The following FAT4 variants were observed in gnomAD, a reference collection of about 807,000 sequenced individuals.
FAT4 encodes FAT atypical cadherin 4.
FAT4 carries 84 observed loss-of-function variants against 303.9 expected under a neutral mutation model. That is an observed-to-expected ratio of 0.28 (90% CI 0.23 to 0.33). The LOEUF is 0.33. Ranked by LOEUF, FAT4 falls within the 10% of genes least tolerant of loss-of-function variation. The pLI, the probability that FAT4 is intolerant of heterozygous loss-of-function variation, is 1.00. For synonymous variants in FAT4, 2,307 were observed against 2,298.8 expected, an observed-to-expected ratio of 1.00 and a Z score of -0.10; for missense variants, 6,005 against 6,146.8, an observed-to-expected ratio of 0.98 and a Z score of 0.77.
chr4:125,336,887 A>C (rs1731598098), intron 2 of FAT4, among the ~76,000 whole-genome samples: 1 of 152,030 alleles, frequency 6.6e-6, no homozygotes, highest in Non-Finnish European at 1.5e-5. Context: ...GTTGATTTTC[A>C]ACTTAAATAT....
intron 2 of FAT4, among the ~76,000 whole-genome samples, chr4:125,379,602 G>A (rs1733462215): frequency 2.0e-5 from 3 of 151,984 alleles, no homozygotes; most frequent in African/African-American, 7.2e-5. Context: ...TGGGATTACA[G>A]GCTCATGCCA....
Position 125,460,431 on chromosome 4 carries a change from C to A in FAT4, c.11801-3132C>A, listed in dbSNP as rs182483673. On this transcript the variant is annotated intron_variant, in intron 10 of 17. Transcript: ENST00000394329. The stretch of plus-strand genomic sequence containing the variant: ...GTGATCTTTCCTGCTCCCCTCCCTC[C>A]TCCCACCCTCCACCCTCCAGTAGAC... Among the ~76,000 whole-genome samples the A allele has an allele frequency of 2.5e-3, 381 of 152,074 alleles. 1 individual carries two copies. Among genetic ancestry groups the A allele is most frequent in the Non-Finnish European group, 4.3e-3 (290 of 67,950 alleles).
chr4:125,350,536 A>G (rs1732180765), intron 2 of FAT4, among the ~76,000 whole-genome samples: 1 of 151,724 alleles, frequency 6.6e-6, no homozygotes, highest in South Asian at 2.1e-4. Context: ...GGAAGGAAGT[A>G]TGTGTTGTAT....
At chr4:125,440,091 ATCTTTTTTACTCCTAATATAT>A (rs1450037592) in intron 8 of FAT4, among the ~76,000 whole-genome samples, 2 of 152,118 alleles carry the variant, frequency 1.3e-5, no homozygotes, top group African/African-American at 4.8e-5. Context: ...TTCTCATATC[ATCTTTTTTACTCCTAATATAT>A]TCTTTCTTTT....
intron 7 of FAT4, among the ~76,000 whole-genome samples, chr4:125,430,572 A>T (rs2390838): frequency 0.99 from 150,794 of 152,204 alleles, 74,712 homozygotes; most frequent in East Asian, 1. Context: ...AAAAATTTTT[A>T]AAACTAACAA....
intron 8 of FAT4, among the ~76,000 whole-genome samples, chr4:125,438,811 C>G: frequency 6.6e-6 from 1 of 152,024 alleles, no homozygotes; most frequent in African/African-American, 2.4e-5. Context: ...TCATGGTATC[C>G]TGAAGAAAAT....
intron 8 of FAT4, among the ~76,000 whole-genome samples, chr4:125,441,371 A>G (rs1725655093): frequency 6.6e-6 from 1 of 152,228 alleles, no homozygotes; most frequent in Admixed American, 6.5e-5. Context: ...AGTATCAGGT[A>G]CTAAGGCAAA....
intron 5 of FAT4, among the ~76,000 whole-genome samples, chr4:125,409,056 G>T (rs1734739617): frequency 6.6e-6 from 1 of 151,890 alleles, no homozygotes; most frequent in Non-Finnish European, 1.5e-5. Flanking sequence ...GTAGGGTCGT[G>T]TTTCAATTTA....
chr4:125,403,219 G>A (rs933628368), intron 3 of FAT4, among the ~76,000 whole-genome samples: 1 of 151,932 alleles, frequency 6.6e-6, no homozygotes, highest in African/African-American at 2.4e-5. Context: ...AATCCTTTTT[G>A]GCAGGTAATA....
In FAT4 at chr4:125,376,626, G is replaced by A. The variant is rs371207316; in HGVS notation, c.5176-22158G>A. Reference sequence around the variant, plus strand: ...AAATAAATAAATAAATAGGCCTGGCGCGGTGGCTCATGCCTGTAATCCCAG... The same window carrying A: ...AAATAAATAAATAAATAGGCCTGGCACGGTGGCTCATGCCTGTAATCCCAG... On this transcript the variant is annotated intron_variant, in intron 2 of 17. Transcript: ENST00000394329. 1.6e-4 allele frequency among the ~76,000 whole-genome samples: 24 copies of A among 152,250 alleles called. No homozygotes were observed. The East Asian group carries it at 3.9e-3, about 25-fold the overall frequency.
At chr4:125,425,566 T>G (rs898489573) in intron 7 of FAT4, among the ~76,000 whole-genome samples, 1 of 152,018 alleles carries the variant, frequency 6.6e-6, no homozygotes, top group African/African-American at 2.4e-5. Flanking sequence ...ATTATTCCCC[T>G]CAATAAATAA....
chr4:125,485,263 A>C (rs1727367532), intron 16 of FAT4, among the ~76,000 whole-genome samples: 1 of 111,230 alleles, frequency 9.0e-6, no homozygotes, highest in Non-Finnish European at 1.8e-5. Context: ...AGCTTACTGT[A>C]ACTCTTTTAG....
intron 7 of FAT4, among the ~76,000 whole-genome samples, chr4:125,432,421 T>C (rs549036773): frequency 4.6e-5 from 7 of 152,364 alleles, no homozygotes; most frequent in East Asian, 1.9e-4. Flanking sequence ...CTTAAACCAG[T>C]GCATGCATAT....
chr4:125,479,597 A>G, intron 14 of FAT4, 144 bp from the exon 15 acceptor site: 1 of 748,806 alleles, frequency 1.3e-6, no homozygotes, highest in Non-Finnish European at 1.9e-6. Context: ...TGGTTTGATT[A>G]GTTTCTCCAA....
intron 7 of FAT4, among the ~76,000 whole-genome samples, chr4:125,430,715 A>G (rs1725256233): frequency 6.6e-6 from 1 of 152,022 alleles, no homozygotes; most frequent in Non-Finnish European, 1.5e-5. Flanking sequence ...TGTGGCTGAT[A>G]ATAAGGGGAG....
intron 14 of FAT4, among the ~76,000 whole-genome samples, chr4:125,478,078 C>A (rs1231301037): frequency 1.3e-5 from 2 of 152,080 alleles, no homozygotes; most frequent in Non-Finnish European, 2.9e-5. Context: ...TATTAATATA[C>A]CAATTACCCT....
rs376620012 is a variant in FAT4, at chr4:125,490,704, A to T, written c.13888A>T (p.Ile4630Phe). 19 of 1,614,168 alleles carry T rather than the reference A, an allele frequency of 1.2e-5. No individual in the cohort carries two copies. Among genetic ancestry groups the T allele is most frequent in the Non-Finnish European group, 1.5e-5 (18 of 1,180,038 alleles). The change falls in exon 18 of 18, where the codon ATC (isoleucine) becomes TTC (phenylalanine). Residue 4630 changes from isoleucine (I) to phenylalanine (F), a missense_variant. Transcript: ENST00000394329. ...CTATGACATTGACAACGCCAGCAGC[A>T]TCGCCCCTTCGGATGCAGACATCAT... ...EHYDIDNASSIAPSDADIIQH... is the reference protein window; with the variant it reads ...EHYDIDNASSFAPSDADIIQH...
In FAT4 at chr4:125,332,159, CTT is replaced by C. The variant is rs199702900; in HGVS notation, c.5175+10589_5175+10590del. Among the ~76,000 whole-genome samples the C allele has an allele frequency of 1.5e-3, 200 of 133,278 alleles. 2 individuals are homozygous for C. The highest frequency in any genetic ancestry group is 4.1e-3 in the Middle Eastern group (1 of 246). The allele number at this position is 133,278 out of a possible 152,430, so 87.4% of individuals were successfully genotyped here. ...AAGTATTTTAGAGTTCCGTTCCATT[CTT>C]TTTTTTTTTTTTTTTCCTTTCTCAA... On this transcript the variant is annotated intron_variant, in intron 2 of 17. Transcript: ENST00000394329.
chr4:125,412,053 T>G (rs1400337337), intron 5 of FAT4, among the ~76,000 whole-genome samples: 1 of 151,728 alleles, frequency 6.6e-6, no homozygotes, highest in Non-Finnish European at 1.5e-5. Context: ...AGCTTAGAAT[T>G]CAAAACAATG....
Sources: gnomAD v4.1 joint callset for allele counts (sites outside exome capture counted in the v4.1 genomes callset) on GRCh38, gnomAD v4.1.1 for gene constraint, MANE v1.5 for transcripts, NCBI Gene and HGNC (gene_info 2026-07-23, HGNC 2026-07-21) for gene names.